Variants in INPP5F observed in about 807,000 individuals in gnomAD.
INPP5F encodes phosphatidylinositide 4-phosphatase SAC2.
Under a neutral mutation model 137.2 loss-of-function variants are expected in INPP5F, and 97 were observed. The observed-to-expected ratio is 0.71, with a 90% CI of 0.60 to 0.84. The LOEUF (loss-of-function observed/expected upper bound fraction) is 0.84. Among genes scored for constraint, INPP5F ranks in the 40% least tolerant of loss-of-function variants. INPP5F has a pLI of 0.00. For synonymous variants in INPP5F, 504 were observed against 476.9 expected (o/e 1.06, Z -0.74); for missense variants, 1,271 against 1,371.9 (o/e 0.93, Z 1.16).
intron 3 of INPP5F, among the ~76,000 whole-genome samples, chr10:119,785,190 G>A (rs1373720487): frequency 1.3e-5 from 2 of 150,864 alleles, no homozygotes; most frequent in Non-Finnish European, 2.9e-5. Flanking sequence ...GTTCTTGGTG[G>A]TATATTTGTT....
intron 2 of INPP5F, among the ~76,000 whole-genome samples, chr10:119,771,223 T>G (rs1386463980): frequency 6.6e-6 from 1 of 152,208 alleles, no homozygotes; most frequent in East Asian, 1.9e-4. Flanking sequence ...TGCACCTTTG[T>G]GATTGTTTTT....
At chr10:119,800,820 T>G (rs982869500) in intron 9 of INPP5F, among the ~76,000 whole-genome samples, 1 of 151,816 alleles carries the variant, frequency 6.6e-6, no homozygotes, top group Non-Finnish European at 1.5e-5. Flanking sequence ...CACGGTGGGA[T>G]GCACCTGTAG....
intron 1 of INPP5F, among the ~76,000 whole-genome samples, chr10:119,749,912 G>T (rs1449364167): frequency 1.3e-5 from 2 of 152,100 alleles, no homozygotes; most frequent in African/African-American, 2.4e-5. Flanking sequence ...CTGAGTAGCT[G>T]GGACTACAGG....
chr10:119,796,680 G>T, intron 6 of INPP5F, 35 bp from the exon 7 acceptor site: 1 of 1,516,332 alleles, frequency 6.6e-7, no homozygotes, highest in Non-Finnish European at 9.2e-7. Flanking sequence ...GTGCTGTACA[G>T]AATAGAAACG....
chr10:119,731,625 C>T (rs538274625), intron 1 of INPP5F, among the ~76,000 whole-genome samples: 24 of 152,262 alleles, frequency 1.6e-4, no homozygotes, highest in African/African-American at 5.8e-4. Context: ...GATGGTGCCA[C>T]TGTACTCCAG....
At chr10:119,801,133 G>T (rs1850576553) in intron 9 of INPP5F, among the ~76,000 whole-genome samples, 1 of 152,154 alleles carries the variant, frequency 6.6e-6, no homozygotes, top group South Asian at 2.1e-4. Context: ...GACAATAGGT[G>T]GGAAAATCAG....
At position 119,795,631 on chromosome 10, in the gene INPP5F, C is replaced by T. The variant is rs1419483569; in HGVS notation, c.670-1084C>T. Among the ~76,000 whole-genome samples the T allele has an allele frequency of 4.4e-3, 630 of 143,624 alleles. 7 individuals are homozygous for T. The highest frequency in any genetic ancestry group is 0.015 in the African/African-American group (591 of 38,512). 94.2% of individuals were successfully genotyped at this position (143,624 alleles called of 152,430 possible). ...GCAGAGGGGCTCCTCACATCCCAGA[C>T]GATGGGTGGCCAGGCGGAGACGCTC... On this transcript the variant is annotated intron_variant, in intron 6 of 19. Transcript: ENST00000650623.
chr10:119,806,292 A>T (rs1850783126), intron 11 of INPP5F, 68 bp from the exon 12 acceptor site: 1 of 1,170,426 alleles, frequency 8.5e-7, no homozygotes, highest in Non-Finnish European at 1.2e-6. Context: ...ATATACTTTA[A>T]AGAATTGTGT....
Position 119,827,089 on chromosome 10 carries a change from G to C in INPP5F, c.2708G>C (p.Ser903Thr). 1.9e-6 allele frequency: 3 copies of C among 1,614,176 alleles called. No individual in the cohort carries two copies. Among genetic ancestry groups the C allele is most frequent in the Non-Finnish European group, 2.5e-6 (3 of 1,180,026 alleles). The change falls in exon 20 of 20, where the codon AGT (serine) becomes ACT (threonine). Residue 903 changes from serine (S) to threonine (T), a missense_variant. Around this residue, in one of 6 missense-constraint regions of INPP5F, gnomAD observed 490 missense variants for 443.7 expected, o/e 1.10. Transcript: ENST00000650623. ...GIIASAPRLG[S>T]RSQSLSSTDS... is the part of the protein sequence containing the mutation. ...ATTGCCTCAGCGCCTCGATTGGGCA[G>C]TCGGTCCCAGTCTCTTAGCAGCACA...
At chr10:119,766,695 A>C (rs890662192) in intron 2 of INPP5F, among the ~76,000 whole-genome samples, 6 of 152,248 alleles carry the variant, frequency 3.9e-5, no homozygotes, top group Admixed American at 3.9e-4. Context: ...AGACAATGGA[A>C]TGACATCGTC....
chr10:119,750,721 C>T (rs889704903), intron 1 of INPP5F, among the ~76,000 whole-genome samples: 8 of 152,190 alleles, frequency 5.3e-5, no homozygotes, highest in African/African-American at 1.7e-4. Context: ...TTCTTAGGCC[C>T]TGTCTTTGGA....
At chr10:119,784,423 G>A (rs373304564) in intron 3 of INPP5F, among the ~76,000 whole-genome samples, 9 of 152,142 alleles carry the variant, frequency 5.9e-5, no homozygotes, top group Admixed American at 4.6e-4. Context: ...AACATAGGAA[G>A]ACTTTGTTAA....
chr10:119,742,574 G>T (rs2036080086), intron 1 of INPP5F, among the ~76,000 whole-genome samples: 1 of 152,216 alleles, frequency 6.6e-6, no homozygotes, highest in Non-Finnish European at 1.5e-5. Context: ...ACCTCCAATA[G>T]GACTTGGCAA....
In INPP5F at chr10:119,827,038, AT is replaced by A; in HGVS notation, c.2659del (p.Tyr887ThrfsTer51). 1 of 1,614,034 alleles carries A rather than the reference AT, an allele frequency of 6.2e-7. No homozygotes were observed. The highest frequency in any genetic ancestry group is 2.2e-5 in the East Asian group (1 of 44,872). ...ANSLESVGPIDYVLPSCGIIA... is the reference protein window; with the variant it reads ...ANSLESVGPIXYVLPSCGIIA... ...TCATTAGAGAGTGTAGGGCCAATAG[AT>A]TACGTTCTTCCTAGTTGTGGTATTA... On this transcript the variant is annotated frameshift_variant, in exon 20 of 20. Transcript: ENST00000650623. LOFTEE classifies it high-confidence loss of function.
intron 1 of INPP5F, among the ~76,000 whole-genome samples, chr10:119,746,079 A>AGT (rs1480109827): frequency 2.0e-5 from 3 of 152,002 alleles, no homozygotes; most frequent in African/African-American, 7.3e-5. Context: ...TCATATCTCC[A>AGT]GTGTACCTAC....
At chr10:119,740,275 G>A (rs1265391755) in intron 1 of INPP5F, among the ~76,000 whole-genome samples, 1 of 152,152 alleles carries the variant, frequency 6.6e-6, no homozygotes, top group Non-Finnish European at 1.5e-5. Context: ...GGGTGTGGGG[G>A]CAGGGCAGGA....
intron 6 of INPP5F, among the ~76,000 whole-genome samples, chr10:119,793,022 C>T (rs1253405291): frequency 6.6e-6 from 1 of 151,968 alleles, no homozygotes; most frequent in Non-Finnish European, 1.5e-5. Flanking sequence ...GAGAATGAGG[C>T]CTGAGATTAT....
intron 1 of INPP5F, 67 bp from the exon 2 acceptor site, chr10:119,751,009 T>C: frequency 2.9e-6 from 3 of 1,037,518 alleles, no homozygotes; most frequent in Admixed American, 3.5e-5. Flanking sequence ...AATACACTGC[T>C]AAAGATACTG....
At chr10:119,822,979 T>C in intron 17 of INPP5F, 92 bp from the exon 18 acceptor site, 1 of 1,279,250 alleles carries the variant, frequency 7.8e-7, no homozygotes, top group Non-Finnish European at 1.1e-6. Context: ...TCATTTATAT[T>C]ATGAAGAAAA....
Sources: allele counts gnomAD v4.1 joint callset (sites outside exome capture counted in the v4.1 genomes callset), GRCh38; gene constraint gnomAD v4.1.1; regional missense constraint gnomAD v4.1.1; transcripts MANE v1.5; gene names NCBI Gene and HGNC (gene_info 2026-07-23, HGNC 2026-07-21).